Variants in RGS6 observed in about 807,000 individuals in gnomAD.
The protein encoded by RGS6 is regulator of G protein signaling 6, also known as regulator of G-protein signaling 6.
RGS6 carries 30 observed loss-of-function variants against 78.5 expected under a neutral mutation model. The ratio of observed to expected loss-of-function variants is 0.38; its 90% CI spans 0.29 to 0.52. RGS6 has a LOEUF of 0.52. Among genes scored for constraint, RGS6 ranks in the 20% least tolerant of loss-of-function variants. The pLI, the probability that RGS6 is intolerant of heterozygous loss-of-function variation, is 0.85. For missense variants in RGS6, 495 were observed against 609.7 expected (o/e 0.81, Z 1.98); for synonymous variants, 206 against 206.0 (o/e 1.00, Z 0.00).
At chr14:72,025,228 G>A (rs1167081668) in intron 2 of RGS6, among the ~76,000 whole-genome samples, 1 of 151,736 alleles carries the variant, frequency 6.6e-6, no homozygotes, top group East Asian at 1.9e-4. Context: ...TTGAACCTCA[G>A]GCCCATTGAG....
chr14:72,583,532 G>A, the RGS6 span, among the ~76,000 whole-genome samples: 13 of 152,084 alleles, frequency 8.5e-5, no homozygotes, highest in African/African-American at 1.7e-4. Context: ...TGATCTCAGC[G>A]TAGATCAATG....
At chr14:72,187,000 CA>C (rs1403110457) in intron 2 of RGS6, among the ~76,000 whole-genome samples, 1 of 152,058 alleles carries the variant, frequency 6.6e-6, no homozygotes, top group Non-Finnish European at 1.5e-5. Flanking sequence ...TGGAAAGTGT[CA>C]AAAAATGGCC....
At chr14:72,329,429 C>T (rs1300115992) in intron 2 of RGS6, among the ~76,000 whole-genome samples, 1 of 152,256 alleles carries the variant, frequency 6.6e-6, no homozygotes, top group African/African-American at 2.4e-5. Flanking sequence ...ACAGCATCAC[C>T]TGCTCAGAGG....
At chr14:72,465,717 T>C (rs377302406) in intron 6 of RGS6, 41 bp from the exon 7 acceptor site, 2 of 1,447,184 alleles carry the variant, frequency 1.4e-6, no homozygotes, top group Non-Finnish European at 1.9e-6. Context: ...TCCATTGTGC[T>C]GCTGGTTTTG....
chr14:72,592,974 G>A, the RGS6 span, among the ~76,000 whole-genome samples: 3 of 152,356 alleles, frequency 2.0e-5, no homozygotes, highest in African/African-American at 7.2e-5. Context: ...GAGGGCAGAT[G>A]TGGTCACAGT....
intron 2 of RGS6, among the ~76,000 whole-genome samples, chr14:72,245,072 T>A (rs1594746576): frequency 1.3e-5 from 2 of 152,224 alleles, no homozygotes; most frequent in South Asian, 2.1e-4. Flanking sequence ...GTTCCAGCAA[T>A]TCTAAACGAT....
At chr14:72,229,450 G>C (rs1459886730) in intron 2 of RGS6, among the ~76,000 whole-genome samples, 1 of 151,996 alleles carries the variant, frequency 6.6e-6, no homozygotes, top group Admixed American at 6.6e-5. Context: ...TCCCATTGTG[G>C]GCTGGTACTC....
At chr14:72,022,235 A>G (rs1475402676) in intron 2 of RGS6, among the ~76,000 whole-genome samples, 1 of 152,178 alleles carries the variant, frequency 6.6e-6, no homozygotes, top group Non-Finnish European at 1.5e-5. Flanking sequence ...GCTGCAGTGA[A>G]CATTCATGTG....
chr14:72,155,386 G>A, intron 2 of RGS6, among the ~76,000 whole-genome samples: 1 of 152,156 alleles, frequency 6.6e-6, no homozygotes, highest in South Asian at 2.1e-4. Flanking sequence ...TCAAAGACTT[G>A]TCAGAACTCA....
chr14:72,095,831 A>T (rs1054550855), intron 2 of RGS6, among the ~76,000 whole-genome samples: 1 of 152,244 alleles, frequency 6.6e-6, no homozygotes, highest in Admixed American at 6.5e-5. Context: ...AAATGAAAAG[A>T]TAGGAAATGC....
At chr14:72,341,201 G>A (rs1679506961) in intron 2 of RGS6, among the ~76,000 whole-genome samples, 1 of 152,170 alleles carries the variant, frequency 6.6e-6, no homozygotes, top group Non-Finnish European at 1.5e-5. Flanking sequence ...CAGTCATAGT[G>A]GAAGGCAAAG....
chr14:72,493,749 A>G (rs1031378889), intron 12 of RGS6, among the ~76,000 whole-genome samples: 1 of 151,556 alleles, frequency 6.6e-6, no homozygotes, highest in South Asian at 2.1e-4. Flanking sequence ...AGGCTTCTCA[A>G]TAGTAACACT....
chr14:72,458,579 A>T (rs1415117125), intron 5 of RGS6, among the ~76,000 whole-genome samples: 1 of 152,236 alleles, frequency 6.6e-6, no homozygotes, highest in African/African-American at 2.4e-5. Context: ...TTGAGAGCCT[A>T]CCATGCCCTG....
At chr14:72,136,545 C>T (rs2096445207) in intron 2 of RGS6, among the ~76,000 whole-genome samples, 1 of 151,948 alleles carries the variant, frequency 6.6e-6, no homozygotes, top group Admixed American at 6.6e-5. Flanking sequence ...AAGGAGAAAC[C>T]CCTTATAAAA....
chr14:72,618,509 C>G, the RGS6 span, among the ~76,000 whole-genome samples: 1 of 152,220 alleles, frequency 6.6e-6, no homozygotes. Flanking sequence ...CTAAAGGATG[C>G]CCCAGCTCTG....
chr14:72,030,120 T>A (rs144713638), intron 2 of RGS6, among the ~76,000 whole-genome samples: 1 of 152,286 alleles, frequency 6.6e-6, no homozygotes, highest in East Asian at 1.9e-4. Flanking sequence ...TGACACATAT[T>A]ATAATTGTTA....
At chr14:72,349,644 G>A (rs2078749108) in intron 2 of RGS6, among the ~76,000 whole-genome samples, 1 of 152,168 alleles carries the variant, frequency 6.6e-6, no homozygotes, top group Admixed American at 6.5e-5. Flanking sequence ...CCCCTGATGA[G>A]TGATGTACCT....
At chr14:72,128,582 G>T (rs908921937) in intron 2 of RGS6, among the ~76,000 whole-genome samples, 11 of 151,886 alleles carry the variant, frequency 7.2e-5, no homozygotes, top group African/African-American at 2.7e-4. Flanking sequence ...ATTGTTAGAT[G>T]TTTTTAAAAC....
chr14:72,367,688 A>G (rs1220110283), intron 3 of RGS6, among the ~76,000 whole-genome samples: 1 of 152,114 alleles, frequency 6.6e-6, no homozygotes, highest in Non-Finnish European at 1.5e-5. Context: ...TTATCCACAA[A>G]TTTATTTTTA....
Sources: allele counts gnomAD v4.1 joint callset (sites outside exome capture counted in the v4.1 genomes callset), GRCh38; gene constraint gnomAD v4.1.1; transcripts MANE v1.5; gene names NCBI Gene and HGNC (gene_info 2026-07-23, HGNC 2026-07-21).